The following WDPCP variants were observed in gnomAD, a reference collection of about 807,000 sequenced individuals.
The protein encoded by WDPCP is WD repeat-containing and planar cell polarity effector protein fritz homolog.
Under a neutral mutation model 93.1 loss-of-function variants are expected in WDPCP, and 71 were observed. That is an observed-to-expected ratio of 0.76 (90% CI 0.63 to 0.93). WDPCP has a LOEUF of 0.93. Ranked by LOEUF, WDPCP falls within the 40% of genes least tolerant of loss-of-function variation. The probability of loss-of-function intolerance (pLI) is 0.00; values close to 1 mark genes in which losing one functional copy is unlikely to be tolerated. For missense variants in WDPCP, 844 were observed against 887.4 expected, an observed-to-expected ratio of 0.95 and a Z score of 0.62; for synonymous variants, 315 against 315.0, an observed-to-expected ratio of 1.00 and a Z score of 0.00.
At chr2:63,292,556 C>A (rs1203017169) in intron 13 of WDPCP, among the ~76,000 whole-genome samples, 1 of 152,174 alleles carries the variant, frequency 6.6e-6, no homozygotes, top group African/African-American at 2.4e-5. Flanking sequence ...CTTAATCTCA[C>A]AGCAGTGGCT....
rs564195801 is a variant in WDPCP, at chr2:63,478,423, T to C, written c.384+6181A>G. ...TCAGCATATGGAACTTTCTCCAAGA[T>C]GGACCATAGAATAGGCCACAAAACA... On this transcript the variant is annotated intron_variant, in intron 6 of 17. Coordinates refer to ENST00000272321, the MANE Select transcript of WDPCP (RefSeq NM_015910.7). Among the ~76,000 whole-genome samples, 20 of 152,262 alleles carry C rather than the reference T, an allele frequency of 1.3e-4. 1 individual carries two copies. In the South Asian group the frequency reaches 2.3e-3, roughly 17 times the overall value.
At chr2:63,515,531 CTGAT>C (rs1270226620) in intron 1 of WDPCP, among the ~76,000 whole-genome samples, 2 of 152,162 alleles carry the variant, frequency 1.3e-5, no homozygotes, top group Non-Finnish European at 1.5e-5. Flanking sequence ...ATTTAAATAA[CTGAT>C]TGTGCTAGGA....
At chr2:63,614,066 C>T (rs1438291463) in intron 3 of WDPCP, among the ~76,000 whole-genome samples, 4 of 152,148 alleles carry the variant, frequency 2.6e-5, no homozygotes, top group Non-Finnish European at 2.9e-5. Flanking sequence ...AAGTTCTGAC[C>T]GTCACTATCC....
At chr2:63,717,711 G>C in intron 2 of WDPCP, 1 of 458,086 alleles carries the variant, frequency 2.2e-6, no homozygotes, top group Non-Finnish European at 4.3e-6. Context: ...TTGGCCCAAC[G>C]TTGATGCCCA....
chr2:63,423,053 A>G (rs1368674298), intron 9 of WDPCP, among the ~76,000 whole-genome samples: 1 of 152,244 alleles, frequency 6.6e-6, no homozygotes, highest in Non-Finnish European at 1.5e-5. Flanking sequence ...TTTGGAGGAC[A>G]GGGAAGAGGT....
chr2:63,213,079 A>G (rs969311574), intron 14 of WDPCP, among the ~76,000 whole-genome samples: 3 of 152,192 alleles, frequency 2.0e-5, no homozygotes, highest in Admixed American at 1.3e-4. Context: ...CAGAAAGTTA[A>G]CAAAATTATC....
intron 10 of WDPCP, among the ~76,000 whole-genome samples, chr2:63,383,630 T>C (rs145515339): frequency 6.6e-6 from 1 of 152,182 alleles, no homozygotes; most frequent in Admixed American, 6.5e-5. Flanking sequence ...GGAGAATCGC[T>C]TGCATCTGGG....
chr2:63,724,655 G>A (rs115789826), intron 2 of WDPCP, among the ~76,000 whole-genome samples: 2,779 of 152,226 alleles, frequency 0.018, 86 homozygotes, highest in African/African-American at 0.063. Context: ...ATTTAAGAGT[G>A]GGTCAAACCT....
intron 1 of WDPCP, among the ~76,000 whole-genome samples, chr2:63,494,131 C>T (rs150539039): frequency 2.6e-5 from 4 of 152,098 alleles, no homozygotes; most frequent in Non-Finnish European, 5.9e-5. Flanking sequence ...TAGTATGCTA[C>T]GGACTGAAAT....
chr2:63,677,091 TCCA>T (rs751094171), intron 2 of WDPCP, among the ~76,000 whole-genome samples: 4 of 152,136 alleles, frequency 2.6e-5, no homozygotes, highest in Non-Finnish European at 4.4e-5. Context: ...TGAAGTAGAG[TCCA>T]GGCACATGCA....
chr2:63,236,749 A>G (rs1679428170), intron 14 of WDPCP, among the ~76,000 whole-genome samples: 1 of 152,172 alleles, frequency 6.6e-6, no homozygotes, highest in Non-Finnish European at 1.5e-5. Context: ...TATATAATAA[A>G]TGATGCTGGG....
chr2:63,431,903 A>T (rs1457214713), intron 9 of WDPCP, among the ~76,000 whole-genome samples: 4 of 152,182 alleles, frequency 2.6e-5, no homozygotes, highest in Non-Finnish European at 5.9e-5. Flanking sequence ...AGTGGTGAAT[A>T]AAGAATCATG....
chr2:63,621,305 G>A (rs905813071), intron 3 of WDPCP, among the ~76,000 whole-genome samples: 1 of 151,904 alleles, frequency 6.6e-6, no homozygotes. Flanking sequence ...TTGCTAACTA[G>A]AATAACCAGT....
At chr2:63,211,615 A>G (rs1020002584) in intron 14 of WDPCP, among the ~76,000 whole-genome samples, 23 of 152,216 alleles carry the variant, frequency 1.5e-4, no homozygotes, top group African/African-American at 5.1e-4. Context: ...ATGGAGAATG[A>G]CTTTGACGAG....
intron 14 of WDPCP, among the ~76,000 whole-genome samples, chr2:63,254,950 G>GTAT (rs1405877430): frequency 6.6e-6 from 1 of 152,096 alleles, no homozygotes; most frequent in East Asian, 1.9e-4. Flanking sequence ...CAATTAAGAA[G>GTAT]TATTTATTCT....
intron 2 of WDPCP, among the ~76,000 whole-genome samples, chr2:63,663,932 T>C (rs1186811520): frequency 2.0e-5 from 3 of 152,152 alleles, no homozygotes; most frequent in Non-Finnish European, 4.4e-5. Context: ...TTTTCCCTCA[T>C]ATATCAACAA....
intron 14 of WDPCP, among the ~76,000 whole-genome samples, chr2:63,237,470 C>G (rs1418654989): frequency 6.6e-6 from 1 of 152,172 alleles, no homozygotes; most frequent in Non-Finnish European, 1.5e-5. Context: ...CCAGTAATCC[C>G]ACTACCGTGT....
intron 2 of WDPCP, among the ~76,000 whole-genome samples, chr2:63,743,732 T>C (rs1019617987): frequency 2.6e-5 from 4 of 152,108 alleles, no homozygotes; most frequent in Non-Finnish European, 5.9e-5. Flanking sequence ...CTTGTGATAC[T>C]AAAAGCTTTT....
intron 2 of WDPCP, among the ~76,000 whole-genome samples, chr2:63,686,144 G>A (rs1668802119): frequency 6.6e-6 from 1 of 152,132 alleles, no homozygotes; most frequent in Non-Finnish European, 1.5e-5. Context: ...ATCCAAAGTG[G>A]AAGGAAGAAG....
Sources: allele counts gnomAD v4.1 joint callset (sites outside exome capture counted in the v4.1 genomes callset), GRCh38; gene constraint gnomAD v4.1.1; transcripts MANE v1.5; gene names NCBI Gene and HGNC (gene_info 2026-07-23, HGNC 2026-07-21).